Variants in RALGAPA2 observed in about 807,000 individuals in gnomAD.
RALGAPA2 encodes the protein ral GTPase-activating protein subunit alpha-2.
A neutral mutation model predicts 230.4 loss-of-function variants in RALGAPA2; 139 were observed. The observed-to-expected ratio is 0.60, with a 90% CI of 0.53 to 0.69. RALGAPA2 has a LOEUF of 0.69. RALGAPA2 is among the 30% of genes least tolerant of loss of function. The pLI, the probability that RALGAPA2 is intolerant of heterozygous loss-of-function variation, is 0.00. For synonymous variants in RALGAPA2, 847 were observed against 837.8 expected (o/e 1.01, Z -0.19); for missense variants, 2,163 against 2,276.0 (o/e 0.95, Z 1.01).
At chr20:20,587,281 G>C (rs979273124) in intron 18 of RALGAPA2, among the ~76,000 whole-genome samples, 80 of 152,082 alleles carry the variant, frequency 5.3e-4, no homozygotes, top group African/African-American at 1.6e-3. Context: ...GAAAGAGGTG[G>C]GAAAACTATA....
At chr20:20,599,389 T>G (rs1162544913) in intron 16 of RALGAPA2, among the ~76,000 whole-genome samples, 1 of 152,238 alleles carries the variant, frequency 6.6e-6, no homozygotes, top group East Asian at 1.9e-4. Flanking sequence ...GCTTATTAAA[T>G]CCATACATCT....
chr20:20,521,140 A>C, intron 30 of RALGAPA2, 40 bp from the exon 31 acceptor site: 1 of 1,519,364 alleles, frequency 6.6e-7, no homozygotes, highest in Non-Finnish European at 9.0e-7. Context: ...GATGCTACTC[A>C]CCGCGTGTCC....
Position 20,545,185 on chromosome 20 carries a change from A to G in RALGAPA2, c.3285+1519T>C, listed in dbSNP as rs533807298. Among the ~76,000 whole-genome samples the G allele has an allele frequency of 1.4e-4, 21 of 152,286 alleles. No individual in the cohort carries two copies. The South Asian group carries it at 4.4e-3, about 32-fold the overall frequency. Reference sequence around the variant, plus strand: ...TGAAAAGTTGTCATAATTATTTACGATAAAGCCACAGTTGAACAAATTCAA... The same window carrying G: ...TGAAAAGTTGTCATAATTATTTACGGTAAAGCCACAGTTGAACAAATTCAA... On this transcript the variant is annotated intron_variant, in intron 24 of 39. Transcript: ENST00000202677.
intron 8 of RALGAPA2, among the ~76,000 whole-genome samples, 159 bp downstream of exon 8, chr20:20,637,204 A>G (rs754632306): frequency 1.3e-5 from 2 of 152,254 alleles, no homozygotes; most frequent in Non-Finnish European, 2.9e-5. Context: ...AAATAATTAA[A>G]ATCACTTATT....
intron 37 of RALGAPA2, among the ~76,000 whole-genome samples, chr20:20,451,812 A>C (rs2060995163): frequency 6.6e-6 from 1 of 152,204 alleles, no homozygotes. Context: ...ATAAATTTAT[A>C]ATCTAAATTT....
chr20:20,632,221 G>T (rs537897895), intron 9 of RALGAPA2, among the ~76,000 whole-genome samples: 2 of 151,806 alleles, frequency 1.3e-5, no homozygotes, highest in South Asian at 4.2e-4. Context: ...CAGTACAGAC[G>T]GGGTTTCACC....
chr20:20,443,424 T>C (rs1384196418), intron 37 of RALGAPA2, among the ~76,000 whole-genome samples: 1 of 152,208 alleles, frequency 6.6e-6, no homozygotes, highest in Admixed American at 6.5e-5. Flanking sequence ...TATGAAACGA[T>C]GTCTCCAGGT....
In RALGAPA2 at chr20:20,512,779, T is replaced by C; in HGVS notation, c.4590A>G (p.Thr1530=). Reference sequence around the variant, plus strand: ...GTGACGGTAAAAGGCATTCAGGACTTGTATGGCCAATGTTTTCAAGTAATT... The same window carrying C: ...GTGACGGTAAAAGGCATTCAGGACTCGTATGGCCAATGTTTTCAAGTAATT... ...LDKLLENIGH[T]SPECLLPSQL... is the part of the protein sequence containing the mutation. The change falls in exon 32 of 40, where the codon ACA becomes ACG. Residue 1530 remains threonine, a synonymous_variant. Transcript: ENST00000202677. The C allele has an allele frequency of 6.2e-7, 1 of 1,613,902 alleles. No individual in the cohort carries two copies. Among genetic ancestry groups the C allele is most frequent in the Non-Finnish European group, 8.5e-7 (1 of 1,179,776 alleles).
intron 3 of RALGAPA2, among the ~76,000 whole-genome samples, chr20:20,656,654 A>C (rs1005888760): frequency 2.6e-5 from 4 of 152,262 alleles, no homozygotes; most frequent in Non-Finnish European, 5.9e-5. Context: ...TTACATTAAA[A>C]GGGAATCAGA....
intron 36 of RALGAPA2, among the ~76,000 whole-genome samples, chr20:20,480,185 G>GT (rs999736323): frequency 3.3e-5 from 5 of 152,198 alleles, no homozygotes; most frequent in African/African-American, 1.2e-4. Flanking sequence ...TGGCATGTAT[G>GT]TATCTTGACT....
intron 23 of RALGAPA2, among the ~76,000 whole-genome samples, chr20:20,565,867 G>A (rs529553560): frequency 6.6e-6 from 1 of 152,232 alleles, no homozygotes; most frequent in African/African-American, 2.4e-5. Flanking sequence ...GTTACTGGCT[G>A]AGCCAGGGTC....
At chr20:20,641,902 A>G (rs928858030) in intron 5 of RALGAPA2, among the ~76,000 whole-genome samples, 2 of 151,818 alleles carry the variant, frequency 1.3e-5, no homozygotes, top group Non-Finnish European at 2.9e-5. Context: ...CTTTCTCCCA[A>G]TAGAAGCCAA....
intron 1 of RALGAPA2, among the ~76,000 whole-genome samples, chr20:20,695,892 C>T (rs1325750490): frequency 6.6e-6 from 1 of 152,166 alleles, no homozygotes; most frequent in Non-Finnish European, 1.5e-5. Context: ...GCCTTTGCAA[C>T]CATTCATATT....
intron 15 of RALGAPA2, 121 bp from the exon 16 acceptor site, chr20:20,601,967 A>G: frequency 3.4e-6 from 3 of 880,298 alleles, no homozygotes; most frequent in Non-Finnish European, 4.8e-6. Context: ...CCTTGTCACA[A>G]ATTAAGTACC....
intron 37 of RALGAPA2, among the ~76,000 whole-genome samples, chr20:20,418,520 C>T (rs1569380231): frequency 6.6e-6 from 1 of 151,932 alleles, no homozygotes. Context: ...GTGCTTGGTT[C>T]AGAATGATTA....
At chr20:20,472,485 T>C (rs545061127) in intron 37 of RALGAPA2, 1 of 163,344 alleles carries the variant, frequency 6.1e-6, no homozygotes, top group East Asian at 1.8e-4. Flanking sequence ...TCCCACCTTA[T>C]ATACAATGGA....
chr20:20,483,700 T>G (rs1569435848), intron 36 of RALGAPA2, among the ~76,000 whole-genome samples: 1 of 152,176 alleles, frequency 6.6e-6, no homozygotes, highest in African/African-American at 2.4e-5. Context: ...GAAACAGAAC[T>G]TCTTGAGGGC....
intron 26 of RALGAPA2, among the ~76,000 whole-genome samples, chr20:20,532,585 A>T (rs2145575969): frequency 6.6e-6 from 1 of 152,344 alleles, no homozygotes; most frequent in South Asian, 2.1e-4. Flanking sequence ...TCAAGGGCTC[A>T]GTTATGGTTG....
intron 21 of RALGAPA2, 124 bp from the exon 22 acceptor site, chr20:20,572,070 T>C: frequency 1.5e-6 from 1 of 649,498 alleles, no homozygotes; most frequent in Middle Eastern, 2.9e-4. Flanking sequence ...ACCTGTAATA[T>C]TTACAAGTTT....
Sources: allele counts gnomAD v4.1 joint callset (sites outside exome capture counted in the v4.1 genomes callset), GRCh38; gene constraint gnomAD v4.1.1; transcripts MANE v1.5; gene names NCBI Gene and HGNC (gene_info 2026-07-23, HGNC 2026-07-21).